CAMK1: variants seen among roughly 807,000 people sequenced by gnomAD.
CAMK1 encodes the protein calcium/calmodulin dependent protein kinase I.
Under a neutral mutation model 49.1 loss-of-function variants are expected in CAMK1, and 39 were observed. The observed-to-expected ratio is 0.79, with a 90% CI of 0.62 to 1.04. CAMK1 has a LOEUF of 1.04. Ranked by LOEUF, CAMK1 falls within the 50% of genes least tolerant of loss-of-function variation. The pLI is 0.00. For synonymous variants in CAMK1, 192 were observed against 185.2 expected (o/e 1.04, Z -0.30); for missense variants, 457 against 472.2 (o/e 0.97, Z 0.30).
chr3:9,762,813 G>A (rs374505613), intron 5 of CAMK1, 101 bp downstream of exon 5: 29 of 1,152,070 alleles, frequency 2.5e-5, no homozygotes, highest in African/African-American at 2.0e-4. Flanking sequence ...GAAATCCAAG[G>A]CTCAGTGAGG....
At position 9,761,514 on chromosome 3, in the gene CAMK1, C is replaced by T. The variant is rs1262870375; in HGVS notation, c.579G>A (p.Lys193=). Residue 193 remains lysine (K), a synonymous_variant, in exon 7 of 12, where the codon AAG becomes AAA. Transcript: ENST00000256460. ...GYVAPEVLAQ[K]PYSKAVDCWS... ...AGCAATCCACAGCCTTGCTGTAGGG[C>T]TTCTGGGCCAGGACTTCAGGGGCTG... 3 of 1,613,470 alleles carry T rather than the reference C, an allele frequency of 1.9e-6. No individual in the cohort carries two copies. The highest frequency in any genetic ancestry group is 2.7e-5 in the African/African-American group (2 of 74,900).
Position 9,767,824 on chromosome 3 carries a change from CTCTG to C in CAMK1, c.-32-47_-32-44del, listed in dbSNP as rs138333313. The C allele has an allele frequency of 1.4e-3, 2,160 of 1,587,396 alleles. 22 individuals carry two copies. The African/African-American group carries it at 0.025, about 18-fold the overall frequency. ...GGAGGAGACTCAGCAGAGCCCAGCC[CTCTG>C]TCTGGGAATTTACTGCAGGCCCCAT... On this transcript the variant is annotated intron_variant, in intron 1 of 11. Transcript: ENST00000256460.
chr3:9,767,769 A>G lies in CAMK1; in HGVS notation c.-20T>C. ...CAGCATGGCCCACTGCCCCCCGACC[A>G]CAGCCAGGGCTCCTGTAAGGAGAAT... On this transcript the variant is annotated 5_prime_UTR_variant, in exon 2 of 12. Transcript: ENST00000256460. 5 of 1,613,428 alleles carry G rather than the reference A, an allele frequency of 3.1e-6. No individual in the cohort carries two copies. Among genetic ancestry groups the G allele is most frequent in the African/African-American group, 1.3e-5 (1 of 74,986 alleles).
chr3:9,768,765 T>C (rs759257508), intron 1 of CAMK1, among the ~76,000 whole-genome samples: 40 of 152,154 alleles, frequency 2.6e-4, no homozygotes, highest in Non-Finnish European at 5.0e-4. Flanking sequence ...CCTTCTCTCT[T>C]TTTCTCTAAG....
chr3:9,757,539 C>T lies in CAMK1; in HGVS notation c.1113G>A (p.Ter371=). ...ELSPTLPHQL[*] ...GGATCATGACCCGAGGTCCAGGGCC[C>T]TAGAGCTGGTGGGGCAGTGTGGGGG... The change falls in exon 12 of 12, where the codon TAG becomes TAA. Residue 371 remains the stop codon, a stop_retained_variant. Coordinates refer to ENST00000256460, the MANE Select transcript of CAMK1 (RefSeq NM_003656.5). This position sits in a 1 kb window ranked among gnomAD's most constrained non-coding sequence, Gnocchi z 4.5. 2 of 1,613,058 alleles carry T rather than the reference C, an allele frequency of 1.2e-6. No homozygotes were observed. Among genetic ancestry groups the T allele is most frequent in the Non-Finnish European group, 1.7e-6 (2 of 1,179,224 alleles).
intron 3 of CAMK1, among the ~76,000 whole-genome samples, chr3:9,764,035 T>C (rs2078020681): frequency 6.6e-6 from 1 of 152,118 alleles, no homozygotes; most frequent in Admixed American, 6.6e-5. Context: ...TTTGTCAGCC[T>C]CCCCCACCAG....
chr3:9,761,870 G>A (rs1212367163), intron 5 of CAMK1, 113 bp from the exon 6 acceptor site: 1 of 1,452,730 alleles, frequency 6.9e-7, no homozygotes, highest in Non-Finnish European at 9.1e-7. Context: ...AAGCCACTGT[G>A]GCTTCATGGC....
intron 10 of CAMK1, chr3:9,759,153 C>T (rs201172802): frequency 1.4e-5 from 21 of 1,512,264 alleles, no homozygotes; most frequent in South Asian, 7.9e-5. Context: ...GACATTATTC[C>T]GCTATGCCTC....
At position 9,769,220 on chromosome 3, in the gene CAMK1, C is replaced by T. The variant is rs142343726; in HGVS notation, c.-33+612G>A. ...TTACACCCCAAAACACACATCCACCCGCACCCACACAAGATGACACCCAGA... is the reference window on the plus strand; with the variant it reads ...TTACACCCCAAAACACACATCCACCTGCACCCACACAAGATGACACCCAGA... On this transcript the variant is annotated intron_variant, in intron 1 of 11. Coordinates refer to ENST00000256460, the MANE Select transcript of CAMK1 (RefSeq NM_003656.5). Among the ~76,000 whole-genome samples the T allele has an allele frequency of 3.7e-3, 563 of 151,986 alleles. 1 individual carries two copies. Among genetic ancestry groups the T allele is most frequent in the Non-Finnish European group, 6.0e-3 (407 of 67,914 alleles).
chr3:9,759,157 A>C (rs2125566820), intron 10 of CAMK1: 1 of 1,529,436 alleles, frequency 6.5e-7, no homozygotes, highest in Non-Finnish European at 9.1e-7. Flanking sequence ...TTATTCCGCT[A>C]TGCCTCACTA....
chr3:9,760,293 T>C, intron 8 of CAMK1: 1 of 226,076 alleles, frequency 4.4e-6, no homozygotes, highest in East Asian at 1.1e-4. Flanking sequence ...TCTCAGTGCA[T>C]TCACACTGAT....
At chr3:9,760,157 T>C (rs1214179501) in intron 8 of CAMK1, 7 of 201,390 alleles carry the variant, frequency 3.5e-5, no homozygotes. Flanking sequence ...GGCAGAGAAT[T>C]GCTCGAACCC....
At chr3:9,761,358 GGGAA>G (rs1166195471) in intron 7 of CAMK1, 99 bp downstream of exon 7, 3 of 1,161,008 alleles carry the variant, frequency 2.6e-6, no homozygotes, top group Admixed American at 2.3e-5. Flanking sequence ...AAGGGAGGGA[GGGAA>G]GGAAGGGAGG....
rs148571810 is a variant in CAMK1, at chr3:9,761,498, C to T, written c.595G>A (p.Val199Met). The T allele has an allele frequency of 3.7e-6, 6 of 1,613,480 alleles. No individual in the cohort carries two copies. The highest frequency in any genetic ancestry group is 4.2e-6 in the Non-Finnish European group (5 of 1,179,666). ...VLAQKPYSKA[V>M]DCWSIGVIAY... ...ATGACACCTATGGACCAGCAATCCA[C>T]AGCCTTGCTGTAGGGCTTCTGGGCC... Residue 199 changes from valine to methionine, a missense_variant, in exon 7 of 12, where the codon GTG (valine) becomes ATG (methionine). Coordinates refer to ENST00000256460, the MANE Select transcript of CAMK1 (RefSeq NM_003656.5).
chr3:9,761,856 C>T (rs564395339), intron 5 of CAMK1, 99 bp from the exon 6 acceptor site: 464 of 1,507,666 alleles, frequency 3.1e-4, no homozygotes, highest in Non-Finnish European at 3.9e-4. Flanking sequence ...TAATGGATCC[C>T]CAAAAGCCAC....
intron 2 of CAMK1, chr3:9,766,376 C>T (rs1243080955): frequency 4.9e-6 from 3 of 612,902 alleles, no homozygotes; most frequent in African/African-American, 1.8e-5. Context: ...TCTGCTAATT[C>T]GAGTCATGGC....
In CAMK1 at chr3:9,757,658, C is replaced by T; in HGVS notation, c.1031-37G>A. The T allele has an allele frequency of 1.2e-6, 2 of 1,614,090 alleles. No individual in the cohort carries two copies. Among genetic ancestry groups the T allele is most frequent in the Non-Finnish European group, 1.7e-6 (2 of 1,179,994 alleles). ...GACAGAACAGAGGTGGCCGCAGGGG[C>T]AGGCCCTCCACTCCAGCCCGGGTGC... On this transcript the variant is annotated intron_variant, in intron 11 of 11. Transcript: ENST00000256460. This position sits in a 1 kb window ranked among gnomAD's most constrained non-coding sequence, Gnocchi z 4.5.
chr3:9,761,019 C>A, intron 7 of CAMK1: 1 of 481,766 alleles, frequency 2.1e-6, no homozygotes, highest in Non-Finnish European at 3.7e-6. Context: ...TCTTTCCCCA[C>A]ACCTCCAATG....
At chr3:9,758,910 G>T in intron 10 of CAMK1, 1 of 405,996 alleles carries the variant, frequency 2.5e-6, no homozygotes, top group Non-Finnish European at 4.7e-6. Context: ...GATTACAGGC[G>T]TGAGCCACCA....
Sources: allele counts gnomAD v4.1 joint callset (sites outside exome capture counted in the v4.1 genomes callset), GRCh38; gene constraint gnomAD v4.1.1; non-coding constraint Gnocchi (gnomAD v3.1); transcripts MANE v1.5; gene names NCBI Gene and HGNC (gene_info 2026-07-23, HGNC 2026-07-21).